Variants in PIK3AP1 observed in about 807,000 individuals in gnomAD.
PIK3AP1 encodes phosphoinositide 3-kinase adapter protein 1.
PIK3AP1 carries 21 observed loss-of-function variants against 88.1 expected under a neutral mutation model. That is an observed-to-expected ratio of 0.24 (90% CI 0.17 to 0.34). The LOEUF is 0.34. Ranked by LOEUF, PIK3AP1 falls within the 10% of genes least tolerant of loss-of-function variation. The pLI is 1.00. For missense variants in PIK3AP1, 828 were observed against 1,035.7 expected, an observed-to-expected ratio of 0.80 and a Z score of 2.75; for synonymous variants, 398 against 400.0, an observed-to-expected ratio of 1.00 and a Z score of 0.06.
intron 7 of PIK3AP1, among the ~76,000 whole-genome samples, chr10:96,646,057 C>A (rs185715777): frequency 4.0e-3 from 609 of 152,210 alleles, no homozygotes; most frequent in Middle Eastern, 0.01. Context: ...GTCAGGAGTT[C>A]GAGACCAGCC....
chr10:96,605,339 C>A (rs2134185137), intron 14 of PIK3AP1, among the ~76,000 whole-genome samples: 1 of 152,136 alleles, frequency 6.6e-6, no homozygotes, highest in Non-Finnish European at 1.5e-5. Context: ...GCTAGTGCAA[C>A]CAAGGAAATG....
At chr10:96,606,668 GGTAGGCTTCTACCATCA>G (rs1175067122) in intron 14 of PIK3AP1, among the ~76,000 whole-genome samples, 1 of 152,186 alleles carries the variant, frequency 6.6e-6, no homozygotes, top group East Asian at 1.9e-4. Context: ...CCCACCCCTT[GGTAGGCTTCTACCATCA>G]GGGGAGAAGT....
chr10:96,613,455 A>G (rs140164396), intron 13 of PIK3AP1, among the ~76,000 whole-genome samples: 266 of 152,298 alleles, frequency 1.7e-3, no homozygotes, highest in African/African-American at 6.0e-3. Context: ...GTTTTGTATC[A>G]AATTATATAC....
intron 10 of PIK3AP1, among the ~76,000 whole-genome samples, chr10:96,625,675 T>C (rs1178178985): frequency 6.6e-6 from 1 of 152,196 alleles, no homozygotes; most frequent in African/African-American, 2.4e-5. Context: ...TATAATTCCC[T>C]TTTGCCACAC....
Position 96,628,789 on chromosome 10 carries a change from G to A in PIK3AP1, c.1376-296C>T, listed in dbSNP as rs117767391. Among the ~76,000 whole-genome samples the A allele has an allele frequency of 6.0e-4, 90 of 150,838 alleles. 1 individual carries two copies. In the East Asian group the frequency reaches 0.017, roughly 29 times the overall value. ...TTTTGACATACTACATCATCCCATT[G>A]TTTATTACAGAAAAAAATGGAAGCA... On this transcript the variant is annotated intron_variant, in intron 8 of 16. Transcript: ENST00000339364.
chr10:96,653,124 T>A (rs780175428), intron 3 of PIK3AP1, among the ~76,000 whole-genome samples: 2 of 151,916 alleles, frequency 1.3e-5, no homozygotes, highest in African/African-American at 4.8e-5. Flanking sequence ...TAATAAAACT[T>A]AGCTGGGCGC....
chr10:96,595,766 G>T (rs1848743787), intron 16 of PIK3AP1, 132 bp from the exon 17 acceptor site: 1 of 814,678 alleles, frequency 1.2e-6, no homozygotes, highest in East Asian at 2.6e-5. Context: ...ACACACATAT[G>T]AATGTATGAG....
At chr10:96,614,071 C>T (rs1191887696) in intron 13 of PIK3AP1, among the ~76,000 whole-genome samples, 3 of 152,112 alleles carry the variant, frequency 2.0e-5, no homozygotes, top group African/African-American at 7.2e-5. Context: ...GTGCGTCTGT[C>T]CTGCTTCAGT....
At chr10:96,714,649 T>G (rs1377844926) in intron 1 of PIK3AP1, among the ~76,000 whole-genome samples, 1 of 152,228 alleles carries the variant, frequency 6.6e-6, no homozygotes, top group Non-Finnish European at 1.5e-5. Context: ...ATATTCAATA[T>G]GAGCCTGGAG....
intron 2 of PIK3AP1, among the ~76,000 whole-genome samples, chr10:96,687,218 C>T (rs868466635): frequency 1.3e-4 from 19 of 140,936 alleles, no homozygotes; most frequent in East Asian, 4.1e-4. Flanking sequence ...ACAGCGCCAC[C>T]GCAGTCCGGC....
chr10:96,698,084 C>A lies in PIK3AP1; in HGVS notation c.430+11483G>T, dbSNP rs565157073. ...ATAATCTATTTAACTGGGCCCAAGG[C>A]CAAACATTATTTTTTGAAGGGCAGA... On this transcript the variant is annotated intron_variant, in intron 2 of 16. Coordinates refer to ENST00000339364, the MANE Select transcript of PIK3AP1 (RefSeq NM_152309.3). Among the ~76,000 whole-genome samples, 11 of 152,278 alleles carry A rather than the reference C, an allele frequency of 7.2e-5. No individual in the cohort carries two copies. In the East Asian group the frequency reaches 1.7e-3, roughly 24 times the overall value.
chr10:96,672,919 T>C (rs1015409873), intron 2 of PIK3AP1, among the ~76,000 whole-genome samples: 1 of 152,178 alleles, frequency 6.6e-6, no homozygotes, highest in Non-Finnish European at 1.5e-5. Flanking sequence ...TTTCAGTGTC[T>C]CCAGGCACAT....
At position 96,632,935 on chromosome 10, in the gene PIK3AP1, A is replaced by G. The variant is rs934351617; in HGVS notation, c.1376-4442T>C. The stretch of plus-strand genomic sequence containing the variant: ...GGCACCAGTCCACTCACAAAGATAA[A>G]GGACACAAGCTAGCAGGGCAGTGAA... On this transcript the variant is annotated intron_variant, in intron 8 of 16. Transcript: ENST00000339364. 2.5e-6 allele frequency: 4 copies of G among 1,612,698 alleles called. No individual in the cohort carries two copies. The African/African-American group carries it at 5.3e-5, about 22-fold the overall frequency.
intron 8 of PIK3AP1, 107 bp from the exon 9 acceptor site, chr10:96,628,600 C>T (rs1843185377): frequency 1.1e-6 from 1 of 911,686 alleles, no homozygotes; most frequent in Non-Finnish European, 1.8e-6. Flanking sequence ...GAGATTCAAG[C>T]ATTCATCAAT....
At chr10:96,595,839 T>C (rs576068805) in intron 16 of PIK3AP1, among the ~76,000 whole-genome samples, 1 of 152,244 alleles carries the variant, frequency 6.6e-6, no homozygotes, top group South Asian at 2.1e-4. Context: ...AGTGGAGCTT[T>C]TAAAAATACC....
intron 2 of PIK3AP1, 37 bp from the exon 3 acceptor site, chr10:96,656,971 GGAA>G: frequency 6.2e-7 from 1 of 1,609,182 alleles, no homozygotes; most frequent in Middle Eastern, 1.7e-4. Context: ...GGGAACGGCA[GGAA>G]GGAGAACTGT....
At chr10:96,692,532 A>ACTGCACTCCAGCTTACTCTG (rs1339981218) in intron 2 of PIK3AP1, among the ~76,000 whole-genome samples, 2 of 152,084 alleles carry the variant, frequency 1.3e-5, no homozygotes, top group Non-Finnish European at 2.9e-5. Context: ...CGAGATCGCC[A>ACTGCACTCCAGCTTACTCTG]CTGCACTCCA....
At chr10:96,608,923 G>A (rs904268185) in intron 14 of PIK3AP1, among the ~76,000 whole-genome samples, 3 of 152,244 alleles carry the variant, frequency 2.0e-5, no homozygotes, top group African/African-American at 7.2e-5. Context: ...TATGAAAGAA[G>A]AGAAACTCAA....
intron 2 of PIK3AP1, among the ~76,000 whole-genome samples, chr10:96,676,639 C>T (rs1292815165): frequency 1.4e-5 from 2 of 141,350 alleles, no homozygotes; most frequent in African/African-American, 2.8e-5. Flanking sequence ...AAAACACACA[C>T]GGGGATTTTC....
Sources: gnomAD v4.1 joint callset for allele counts (sites outside exome capture counted in the v4.1 genomes callset) on GRCh38, gnomAD v4.1.1 for gene constraint, MANE v1.5 for transcripts, NCBI Gene and HGNC (gene_info 2026-07-23, HGNC 2026-07-21) for gene names.